Variants in PXT1 observed in about 807,000 individuals in gnomAD.
PXT1 encodes the protein peroxisomal testis-specific protein 1.
In PXT1, 11 loss-of-function variants were observed where a neutral mutation model predicts 11.0. The observed-to-expected ratio is 1.00, with a 90% confidence interval of 0.63 to 1.66. The LOEUF is 1.66. Ranked by LOEUF, PXT1 falls within the 40% of genes most tolerant of loss-of-function variation. PXT1 has a pLI of 0.00. For missense variants in PXT1, 141 were observed against 155.5 expected, an observed-to-expected ratio of 0.91 and a Z score of 0.49; for synonymous variants, 43 against 51.4, an observed-to-expected ratio of 0.84 and a Z score of 0.70.
At chr6:36,393,827 T>C (rs1178294679) in intron 4 of PXT1, among the ~76,000 whole-genome samples, 1 of 152,190 alleles carries the variant, frequency 6.6e-6, no homozygotes, top group Non-Finnish European at 1.5e-5. Flanking sequence ...GCTTTATTTT[T>C]CTCCAAAGCA....
intron 1 of PXT1, among the ~76,000 whole-genome samples, chr6:36,441,264 A>G (rs1774859438): frequency 6.6e-6 from 1 of 152,226 alleles, no homozygotes; most frequent in East Asian, 1.9e-4. Flanking sequence ...ACTTTATAAA[A>G]ATGGAAATAA....
In PXT1 at chr6:36,395,017, A is replaced by G. The variant is rs375926527; in HGVS notation, c.301-3143T>C. ...GACAGGGATCTCAAACAAAAAAAAG[A>G]GAGAGAGAGAGACAGGGGTCTCACT... On this transcript the variant is annotated intron_variant, in intron 4 of 4. Coordinates refer to ENST00000454782, the MANE Select transcript of PXT1 (RefSeq NM_152990.4). Among the ~76,000 whole-genome samples the G allele has an allele frequency of 1.7e-3, 253 of 151,936 alleles. 1 individual carries two copies. Among genetic ancestry groups the G allele is most frequent in the African/African-American group, 6.0e-3 (247 of 41,442 alleles).
At chr6:36,398,885 A>T (rs1018842050) in intron 4 of PXT1, among the ~76,000 whole-genome samples, 1 of 152,072 alleles carries the variant, frequency 6.6e-6, no homozygotes, top group African/African-American at 2.4e-5. Context: ...TGGAGCTTGC[A>T]TCCCTGTCTG....
intron 2 of PXT1, among the ~76,000 whole-genome samples, chr6:36,431,698 C>T (rs537881459): frequency 3.5e-4 from 54 of 152,198 alleles, no homozygotes; most frequent in African/African-American, 1.1e-3. Flanking sequence ...GTCTGGGAGG[C>T]AGAGGTTGTA....
rs138350500 is a variant in PXT1, at chr6:36,416,239, C to T, written c.169+9675G>A. Among the ~76,000 whole-genome samples, 63 of 151,986 alleles carry T rather than the reference C, an allele frequency of 4.1e-4. 1 individual carries two copies. In the East Asian group the frequency reaches 0.01, roughly 25 times the overall value. ...TGGAGTGCACCTGTGGTCCTAACTA[C>T]TCAGAAGGCTGAAGTGGGAGGATCG... On this transcript the variant is annotated intron_variant, in intron 3 of 4. Coordinates refer to ENST00000454782, the MANE Select transcript of PXT1 (RefSeq NM_152990.4).
chr6:36,435,556 T>C (rs752765310), intron 2 of PXT1, among the ~76,000 whole-genome samples: 2 of 152,098 alleles, frequency 1.3e-5, no homozygotes, highest in African/African-American at 2.4e-5. Flanking sequence ...AGTAAGACCC[T>C]GTCCCTAAGA....
chr6:36,424,674 T>G (rs931013088), intron 3 of PXT1, among the ~76,000 whole-genome samples: 1 of 150,408 alleles, frequency 6.6e-6, no homozygotes, highest in African/African-American at 2.5e-5. Flanking sequence ...CAGATGAAGA[T>G]TCAAAATTTC....
chr6:36,416,920 GAGA>G (rs1026621461), intron 3 of PXT1, among the ~76,000 whole-genome samples: 4 of 152,228 alleles, frequency 2.6e-5, no homozygotes, highest in African/African-American at 7.2e-5. Flanking sequence ...AAGACTGGGT[GAGA>G]AGAAGACATG....
intron 2 of PXT1, among the ~76,000 whole-genome samples, chr6:36,434,157 C>A (rs982560679): frequency 6.6e-6 from 1 of 151,360 alleles, no homozygotes; most frequent in Non-Finnish European, 1.5e-5. Context: ...CAGAGTAAGA[C>A]CCTGTCTCTA....
intron 2 of PXT1, among the ~76,000 whole-genome samples, chr6:36,430,042 A>G (rs945383541): frequency 6.6e-6 from 1 of 151,810 alleles, no homozygotes; most frequent in African/African-American, 2.4e-5. Flanking sequence ...CCTTGTCTCT[A>G]CTAAAAGTAC....
intron 2 of PXT1, among the ~76,000 whole-genome samples, chr6:36,432,414 A>G (rs545713674): frequency 1.3e-5 from 2 of 152,212 alleles, no homozygotes; most frequent in South Asian, 4.1e-4. Context: ...ACACAGAAAC[A>G]CTCATTTCAT....
chr6:36,414,979 A>C (rs1774428166), intron 3 of PXT1, among the ~76,000 whole-genome samples: 1 of 152,226 alleles, frequency 6.6e-6, no homozygotes, highest in Non-Finnish European at 1.5e-5. Flanking sequence ...TATGGCACCA[A>C]CTCAAAGGGC....
chr6:36,412,267 G>A (rs1007632800), intron 3 of PXT1, among the ~76,000 whole-genome samples: 6 of 150,366 alleles, frequency 4.0e-5, no homozygotes, highest in Admixed American at 2.7e-4. Flanking sequence ...CAGGAGAATC[G>A]CTTGAACCTG....
At chr6:36,402,452 C>CA in intron 3 of PXT1, among the ~76,000 whole-genome samples, 1 of 152,180 alleles carries the variant, frequency 6.6e-6, no homozygotes, top group Admixed American at 6.5e-5. Flanking sequence ...GCCTTGAACT[C>CA]AAAGAGTCCA....
intron 3 of PXT1, among the ~76,000 whole-genome samples, chr6:36,424,994 T>G (rs1774582984): frequency 6.6e-6 from 1 of 152,218 alleles, no homozygotes; most frequent in African/African-American, 2.4e-5. Flanking sequence ...GGCATGTAAT[T>G]CTTTTAAAAT....
intron 3 of PXT1, among the ~76,000 whole-genome samples, chr6:36,406,119 T>G (rs960647798): frequency 6.6e-6 from 1 of 152,370 alleles, no homozygotes; most frequent in East Asian, 1.9e-4. Context: ...GTTTTAAAGA[T>G]GCCAATCACT....
chr6:36,396,376 A>G (rs1774144338), intron 4 of PXT1, among the ~76,000 whole-genome samples: 1 of 152,154 alleles, frequency 6.6e-6, no homozygotes, highest in Non-Finnish European at 1.5e-5. Context: ...GCATCTCTGC[A>G]GCTTGCACCC....
intron 3 of PXT1, among the ~76,000 whole-genome samples, chr6:36,406,348 AGGAGACT>A (rs1774287985): frequency 6.6e-6 from 1 of 152,190 alleles, no homozygotes; most frequent in Admixed American, 6.5e-5. Context: ...CAATAGACTC[AGGAGACT>A]AAGGGCATGG....
intron 2 of PXT1, among the ~76,000 whole-genome samples, chr6:36,434,417 A>G (rs552323990): frequency 6.6e-6 from 1 of 152,310 alleles, no homozygotes; most frequent in East Asian, 1.9e-4. Flanking sequence ...TCATAATAAA[A>G]AAGTCAGGAG....
Sources: gnomAD v4.1 joint callset for allele counts (sites outside exome capture counted in the v4.1 genomes callset) on GRCh38, gnomAD v4.1.1 for gene constraint, MANE v1.5 for transcripts, NCBI Gene and HGNC (gene_info 2026-07-23, HGNC 2026-07-21) for gene names.